The following PTPRM variants were observed in gnomAD, a reference collection of about 807,000 sequenced individuals.
PTPRM encodes receptor-type tyrosine-protein phosphatase mu.
A neutral mutation model predicts 186.7 loss-of-function variants in PTPRM; 47 were observed. The observed-to-expected ratio is 0.25, with a 90% CI of 0.20 to 0.32. The LOEUF (loss-of-function observed/expected upper bound fraction) is 0.32. Among genes scored for constraint, PTPRM ranks in the 10% least tolerant of loss-of-function variants. The pLI is 1.00. For missense variants in PTPRM, 1,494 were observed against 1,865.0 expected (o/e 0.80, Z 3.66); for synonymous variants, 668 against 674.9 (o/e 0.99, Z 0.16).
In PTPRM at chr18:8,402,413, G is replaced by A. The variant is rs575996659; in HGVS notation, c.4345-3696G>A. The stretch of plus-strand genomic sequence containing the variant: ...TTCCAAGCAGCAGCTCCTTAGCAGC[G>A]AAGCCCAAAATCCCTCCTGAGTTTC... On this transcript the variant is annotated intron_variant, in intron 32 of 32. Transcript: ENST00000580170. 4.6e-5 allele frequency among the ~76,000 whole-genome samples: 7 copies of A among 152,314 alleles called. No individual in the cohort carries two copies. The South Asian group carries it at 1.2e-3, about 27-fold the overall frequency.
At chr18:8,257,292 A>C (rs1481005214) in intron 19 of PTPRM, among the ~76,000 whole-genome samples, 1 of 152,184 alleles carries the variant, frequency 6.6e-6, no homozygotes, top group African/African-American at 2.4e-5. Context: ...CCTGAGTCCC[A>C]GGACGGGCTG....
intron 1 of PTPRM, among the ~76,000 whole-genome samples, chr18:7,617,606 T>C (rs1244626900): frequency 6.6e-6 from 1 of 152,184 alleles, no homozygotes; most frequent in African/African-American, 2.4e-5. Context: ...TTTGCTTAAT[T>C]GAAAAAATAT....
chr18:8,079,553 A>G (rs1351544593), intron 9 of PTPRM, among the ~76,000 whole-genome samples: 1 of 152,170 alleles, frequency 6.6e-6, no homozygotes, highest in Non-Finnish European at 1.5e-5. Context: ...TGAATATAAA[A>G]TGGATGCAGT....
At chr18:8,208,584 T>A (rs2093960691) in intron 14 of PTPRM, among the ~76,000 whole-genome samples, 1 of 152,048 alleles carries the variant, frequency 6.6e-6, no homozygotes, top group African/African-American at 2.4e-5. Flanking sequence ...CCATCATAGT[T>A]CACTGCAGTC....
chr18:8,359,689 T>C (rs1176844981), intron 23 of PTPRM, among the ~76,000 whole-genome samples: 2 of 152,244 alleles, frequency 1.3e-5, no homozygotes, highest in Non-Finnish European at 2.9e-5. Flanking sequence ...CTGGGACCGA[T>C]GCATCACAGC....
In PTPRM at chr18:7,982,002, A is replaced by AC. The variant is rs2082579538; in HGVS notation, c.1132+26588_1132+26589insC. 2.0e-5 allele frequency among the ~76,000 whole-genome samples: 3 copies of AC among 152,312 alleles called. No homozygotes were observed. The South Asian group carries it at 6.2e-4, about 32-fold the overall frequency. ...GGTGTCAGGGACCTAGTGGTGAGTGAATATGAAGGCCTAGGACATTACTGT... is the reference window on the plus strand; with the variant it reads ...GGTGTCAGGGACCTAGTGGTGAGTGACATATGAAGGCCTAGGACATTACTGT... On this transcript the variant is annotated intron_variant, in intron 7 of 32. Coordinates refer to ENST00000580170, the MANE Select transcript of PTPRM (RefSeq NM_001105244.2).
At chr18:8,009,754 A>G (rs1327247120) in intron 7 of PTPRM, among the ~76,000 whole-genome samples, 1 of 151,972 alleles carries the variant, frequency 6.6e-6, no homozygotes, top group Non-Finnish European at 1.5e-5. Context: ...TTTGCTTTAC[A>G]CCTCCCTTTT....
chr18:8,373,178 T>C (rs755867406), intron 24 of PTPRM, among the ~76,000 whole-genome samples: 25 of 152,242 alleles, frequency 1.6e-4, no homozygotes, highest in Non-Finnish European at 3.2e-4. Context: ...TTGTAGAGCA[T>C]TTCTTATAGG....
chr18:8,056,850 G>A (rs1006584259), intron 7 of PTPRM, among the ~76,000 whole-genome samples: 9 of 151,866 alleles, frequency 5.9e-5, no homozygotes, highest in African/African-American at 2.2e-4. Context: ...CTACAAGTCA[G>A]CAGTCTTACT....
chr18:7,938,030 A>G (rs1025587051), intron 5 of PTPRM, among the ~76,000 whole-genome samples: 1 of 152,160 alleles, frequency 6.6e-6, no homozygotes, highest in African/African-American at 2.4e-5. Context: ...TTTCCAGGGA[A>G]TCCTGGTTGT....
intron 19 of PTPRM, among the ~76,000 whole-genome samples, chr18:8,271,768 T>A (rs2094774084): frequency 6.6e-6 from 1 of 152,164 alleles, no homozygotes; most frequent in Admixed American, 6.5e-5. Flanking sequence ...TTTAGAGGCA[T>A]ACATTTCTTA....
At chr18:7,741,954 G>C (rs1375068470) in intron 1 of PTPRM, 1 of 152,138 alleles carries the variant, frequency 6.6e-6, no homozygotes, top group African/African-American at 2.4e-5. Context: ...TTGTTATTCT[G>C]ATGTGACACC....
chr18:7,641,383 G>A (rs1224807743), intron 1 of PTPRM, among the ~76,000 whole-genome samples: 3 of 152,154 alleles, frequency 2.0e-5, no homozygotes. Context: ...AGGAGAAAGA[G>A]AGACAGGAAA....
At chr18:7,901,905 A>G (rs1158390221) in intron 3 of PTPRM, among the ~76,000 whole-genome samples, 1 of 152,248 alleles carries the variant, frequency 6.6e-6, no homozygotes, top group Non-Finnish European at 1.5e-5. Context: ...AGCAGCTAAT[A>G]AAACTTGTAC....
intron 1 of PTPRM, among the ~76,000 whole-genome samples, chr18:7,700,908 C>T (rs183549711): frequency 1.5e-4 from 20 of 136,416 alleles, no homozygotes; most frequent in South Asian, 9.7e-4. Flanking sequence ...GCCCAGGAGA[C>T]GGAGGTTGCA....
chr18:7,993,615 T>C (rs2083379005), intron 7 of PTPRM, among the ~76,000 whole-genome samples: 1 of 152,114 alleles, frequency 6.6e-6, no homozygotes. Flanking sequence ...TGAAGAATAC[T>C]ATATTCACCA....
chr18:8,338,355 A>T (rs564433440), intron 22 of PTPRM, among the ~76,000 whole-genome samples: 5 of 124,222 alleles, frequency 4.0e-5, no homozygotes, highest in African/African-American at 1.5e-4. Context: ...ATGTCATTAC[A>T]TTAAAATTGT....
chr18:7,750,435 C>G (rs1272241193), intron 1 of PTPRM, among the ~76,000 whole-genome samples: 1 of 152,178 alleles, frequency 6.6e-6, no homozygotes, highest in African/African-American at 2.4e-5. Flanking sequence ...TATGCCTGGT[C>G]TAGTTTTCTT....
At chr18:8,318,437 CAG>C (rs1406580115) in intron 21 of PTPRM, among the ~76,000 whole-genome samples, 1 of 151,808 alleles carries the variant, frequency 6.6e-6, no homozygotes, top group East Asian at 1.9e-4. Context: ...GGTGGGACTA[CAG>C]GTGCATGCCA....
Sources: allele counts gnomAD v4.1 joint callset (sites outside exome capture counted in the v4.1 genomes callset), GRCh38; gene constraint gnomAD v4.1.1; transcripts MANE v1.5; gene names NCBI Gene and HGNC (gene_info 2026-07-23, HGNC 2026-07-21).